VAC14: variants seen among roughly 807,000 people sequenced by gnomAD.
VAC14 encodes protein VAC14 homolog.
VAC14 carries 47 observed loss-of-function variants against 85.3 expected under a neutral mutation model. The ratio of observed to expected loss-of-function variants is 0.55; its 90% CI spans 0.44 to 0.70. VAC14 has a LOEUF of 0.70. VAC14 is among the 30% of genes least tolerant of loss of function. VAC14 has a pLI of 0.00. For missense variants in VAC14, 861 were observed against 1,004.3 expected (o/e 0.86, Z 1.93); for synonymous variants, 447 against 430.5 (o/e 1.04, Z -0.47).
intron 14 of VAC14, among the ~76,000 whole-genome samples, chr16:70,718,354 C>T (rs1416028099): frequency 1.3e-5 from 2 of 152,042 alleles, no homozygotes; most frequent in Non-Finnish European, 2.9e-5. Flanking sequence ...GGGCGGATCA[C>T]GGGGTCAGGA....
chr16:70,786,456 C>T (rs1188573638), intron 1 of VAC14, 91 bp from the exon 2 acceptor site: 42 of 1,527,134 alleles, frequency 2.8e-5, no homozygotes, highest in Admixed American at 5.8e-5. Flanking sequence ...GGGAGATGAC[C>T]TGTTTGGAAA....
chr16:70,761,202 C>T (rs779346337), intron 12 of VAC14: 9 of 455,902 alleles, frequency 2.0e-5, no homozygotes, highest in African/African-American at 2.0e-5. Context: ...GCCCGGGCCC[C>T]CCACAAGCCT....
At chr16:70,794,864 TAC>T (rs1249564648) in intron 1 of VAC14, among the ~76,000 whole-genome samples, 3 of 152,196 alleles carry the variant, frequency 2.0e-5, no homozygotes, top group Non-Finnish European at 4.4e-5. Flanking sequence ...GGGTAATAAA[TAC>T]AGTTATGTGC....
chr16:70,723,931 G>A (rs2054357386), intron 14 of VAC14, among the ~76,000 whole-genome samples: 3 of 152,230 alleles, frequency 2.0e-5, no homozygotes, highest in South Asian at 2.1e-4. Flanking sequence ...GGGGGTGACC[G>A]CTGATTCAGT....
chr16:70,784,288 T>C (rs1296157972), intron 4 of VAC14, 68 bp from the exon 5 acceptor site: 4 of 1,368,148 alleles, frequency 2.9e-6, no homozygotes, highest in African/African-American at 2.9e-5. Context: ...GCTGAATCAC[T>C]TGCCCAGGGC....
At chr16:70,798,773 G>A (rs1047483284) in intron 1 of VAC14, among the ~76,000 whole-genome samples, 2 of 152,192 alleles carry the variant, frequency 1.3e-5, no homozygotes, top group African/African-American at 4.8e-5. Context: ...TGATGCTGCT[G>A]TCTGTAGGCC....
rs769516806 is a variant in VAC14, at chr16:70,781,968, G to C, written c.847C>G (p.Arg283Gly). The C allele has an allele frequency of 6.2e-7, 1 of 1,613,970 alleles. No individual in the cohort carries two copies. Among genetic ancestry groups the C allele is most frequent in the East Asian group, 2.2e-5 (1 of 44,876 alleles). ...CGGCCCGCCAGCTGGATGAACTCCC[G>C]CATCCAGCACATGGCTGTCAGCTGG... is the stretch of plus-strand genomic sequence containing the variant. ...LIQLTAMCWM[R>G]EFIQLAGRVM... The change falls in exon 8 of 19, where the codon CGG becomes GGG. Residue 283 changes from arginine to glycine, a missense_variant. Around this residue, in one of 3 missense-constraint regions of VAC14, gnomAD observed 629 missense variants for 703.1 expected, o/e 0.89. Coordinates refer to ENST00000261776, the MANE Select transcript of VAC14 (RefSeq NM_018052.5).
At chr16:70,789,551 G>A (rs762635708) in intron 1 of VAC14, among the ~76,000 whole-genome samples, 24 of 152,320 alleles carry the variant, frequency 1.6e-4, no homozygotes, top group African/African-American at 2.2e-4. Context: ...CACGCGGGAG[G>A]CCCGGGTTCG....
At chr16:70,792,784 T>C (rs748068055) in intron 1 of VAC14, among the ~76,000 whole-genome samples, 4 of 152,150 alleles carry the variant, frequency 2.6e-5, no homozygotes, top group Non-Finnish European at 5.9e-5. Flanking sequence ...CACAGCACAG[T>C]GACAGTCGCA....
In VAC14 at chr16:70,693,581, G is replaced by A. The variant is rs144810667; in HGVS notation, c.2036-610C>T. 5.7e-3 allele frequency among the ~76,000 whole-genome samples: 863 copies of A among 152,314 alleles called. 4 individuals carry two copies. The highest frequency in any genetic ancestry group is 9.9e-3 in the Non-Finnish European group (671 of 68,028). On this transcript the variant is annotated intron_variant, in intron 17 of 18. Transcript: ENST00000261776. The stretch of plus-strand genomic sequence containing the variant: ...GCCAGCCCTGCCACCACCCTGGCGG[G>A]GGAAAGAGATGCACCCGGGGGGCTG...
At chr16:70,788,380 G>A (rs190234591) in intron 1 of VAC14, among the ~76,000 whole-genome samples, 5 of 152,334 alleles carry the variant, frequency 3.3e-5, no homozygotes, top group Admixed American at 2.6e-4. Context: ...GCTGGTGGAC[G>A]TTGGAGAGGA....
At chr16:70,775,134 T>A (rs1180575020) in intron 9 of VAC14, among the ~76,000 whole-genome samples, 2 of 152,234 alleles carry the variant, frequency 1.3e-5, no homozygotes, top group African/African-American at 2.4e-5. Flanking sequence ...TATGGACTCC[T>A]GGATATTGAT....
At chr16:70,800,751 G>A (rs1329284044) in intron 1 of VAC14, 46 bp downstream of exon 1, 1 of 1,525,546 alleles carries the variant, frequency 6.6e-7, no homozygotes, top group South Asian at 1.1e-5. Flanking sequence ...GGGGAGCAGA[G>A]CAGTCAGGGG....
At chr16:70,797,378 C>A (rs1010390741) in intron 1 of VAC14, among the ~76,000 whole-genome samples, 1 of 152,130 alleles carries the variant, frequency 6.6e-6, no homozygotes, top group Non-Finnish European at 1.5e-5. Flanking sequence ...TAGTGATTAG[C>A]AACCTTAATT....
intron 1 of VAC14, among the ~76,000 whole-genome samples, chr16:70,789,869 C>G (rs2034255845): frequency 6.6e-6 from 1 of 152,180 alleles, no homozygotes; most frequent in Non-Finnish European, 1.5e-5. Flanking sequence ...TACAGCGACA[C>G]TAGGAGTGGG....
chr16:70,729,221 C>T (rs1207406726), intron 14 of VAC14, among the ~76,000 whole-genome samples: 3 of 152,156 alleles, frequency 2.0e-5, no homozygotes, highest in South Asian at 2.1e-4. Flanking sequence ...GCTGCCATCC[C>T]GAAGAGCTAT....
chr16:70,731,798 G>A (rs2054599993), intron 13 of VAC14, among the ~76,000 whole-genome samples, 171 bp from the exon 14 acceptor site: 1 of 152,006 alleles, frequency 6.6e-6, no homozygotes, highest in Non-Finnish European at 1.5e-5. Flanking sequence ...AGAGAAAAAG[G>A]CAAGTCTGCA....
At position 70,762,827 on chromosome 16, in the gene VAC14, A is replaced by G. The variant is rs1241920960; in HGVS notation, c.1305+54T>C. Reference sequence around the variant, plus strand: ...GCTACCAACTATGGGCAGGCCCTGGAAAACCAAGGCGGACCCAGAAGAGGC... The same window carrying G: ...GCTACCAACTATGGGCAGGCCCTGGGAAACCAAGGCGGACCCAGAAGAGGC... On this transcript the variant is annotated intron_variant, in intron 11 of 18. Coordinates refer to ENST00000261776, the MANE Select transcript of VAC14 (RefSeq NM_018052.5). This position sits in a 1 kb window ranked among gnomAD's most constrained non-coding sequence, Gnocchi z 4.1. The G allele has an allele frequency of 6.2e-7, 1 of 1,611,322 alleles. No individual in the cohort carries two copies. The highest frequency in any genetic ancestry group is 1.3e-5 in the African/African-American group (1 of 74,904).
intron 9 of VAC14, chr16:70,778,577 A>G (rs1425008294): frequency 6.6e-6 from 1 of 152,162 alleles, no homozygotes; most frequent in African/African-American, 2.4e-5. Flanking sequence ...CATAACCCCA[A>G]AAAGAAACCG....
Sources: gnomAD v4.1 joint callset for allele counts (sites outside exome capture counted in the v4.1 genomes callset) on GRCh38, gnomAD v4.1.1 for gene constraint, gnomAD v4.1.1 regional missense constraint, Gnocchi (gnomAD v3.1) non-coding constraint, MANE v1.5 for transcripts, NCBI Gene and HGNC (gene_info 2026-07-23, HGNC 2026-07-21) for gene names.